The following LRRC47 variants were observed in gnomAD, a reference collection of about 807,000 sequenced individuals.
LRRC47 encodes the protein leucine rich repeat containing 47.
A neutral mutation model predicts 40.9 loss-of-function variants in LRRC47; 31 were observed. The ratio of observed to expected loss-of-function variants is 0.76; its 90% CI spans 0.57 to 1.02. LRRC47 has a LOEUF of 1.02. LRRC47 is among the 50% of genes least tolerant of loss of function. The pLI is 0.00. For synonymous variants in LRRC47, 427 were observed against 371.9 expected (o/e 1.15, Z -1.70); for missense variants, 726 against 796.1 (o/e 0.91, Z 1.06).
rs202226595 is a variant in LRRC47, at chr1:3,793,483, C to A, written c.615+2379G>T. 2.0e-5 allele frequency among the ~76,000 whole-genome samples: 3 copies of A among 152,206 alleles called. No individual in the cohort carries two copies. The East Asian group carries it at 5.8e-4, about 29-fold the overall frequency. ...AAATGATAATACTCCTTCCGTAAAACTCAACTGCCTTTGTAAAGCTAATGA... is the reference window on the plus strand; with the variant it reads ...AAATGATAATACTCCTTCCGTAAAAATCAACTGCCTTTGTAAAGCTAATGA... On this transcript the variant is annotated intron_variant, in intron 1 of 6. Coordinates refer to ENST00000378251, the MANE Select transcript of LRRC47 (RefSeq NM_020710.3).
intron 4 of LRRC47, chr1:3,783,751 C>G (rs1643543842): frequency 3.9e-6 from 2 of 518,448 alleles, no homozygotes; most frequent in East Asian, 6.3e-5. Context: ...CCACCCGCCC[C>G]CTGTGGAATG....
chr1:3,786,627 C>A (rs1396443901), intron 2 of LRRC47, among the ~76,000 whole-genome samples: 1 of 152,238 alleles, frequency 6.6e-6, no homozygotes, highest in Non-Finnish European at 1.5e-5. Flanking sequence ...GAGACACCTG[C>A]CTCCCGGAGG....
rs1181107790 is a variant in LRRC47 at position 3,778,898 on chromosome 1, C to T, written c.*2190G>A. The T allele has an allele frequency of 6.6e-6, 1 of 152,302 alleles. No homozygotes were observed. The highest frequency in any genetic ancestry group is 1.5e-5 in the Non-Finnish European group (1 of 68,088). 9.4% of individuals were successfully genotyped at this position (152,302 alleles called of 1,614,324 possible). A position where few individuals can be genotyped will look rare whatever the true frequency, so the allele number is the denominator to read the frequency against. On this transcript the variant is annotated 3_prime_UTR_variant, in exon 7 of 7. Transcript: ENST00000378251. ...CAGAGCAACTGTCTGGGGTCCCCAG[C>T]CCCAGAACTCCAGCAGAGTCCTGGC... is the stretch of plus-strand genomic sequence containing the variant.
chr1:3,796,148 GC>G lies in LRRC47; in HGVS notation c.328del (p.Ala110ArgfsTer56). On this transcript the variant is annotated frameshift_variant, in exon 1 of 7. Transcript: ENST00000378251. LOFTEE classifies it high-confidence loss of function. Reference protein sequence around the residue: ...ALRVLDLSGNALEALPPGQGL... With the variant: ...ALRVLDLSGNXLEALPPGQGL... The stretch of plus-strand genomic sequence containing the variant: ...TTGGCCCGGCGGCAGCGCCTCCAGC[GC>G]GTTGCCCGACAGGTCGAGCACCCGA... 7.0e-7 allele frequency: 1 copy of G among 1,437,994 alleles called. No individual in the cohort carries two copies. The highest frequency in any genetic ancestry group is 9.1e-7 in the Non-Finnish European group (1 of 1,102,762). The allele number at this position is 1,437,994 out of a possible 1,614,324, so 89.1% of individuals were successfully genotyped here.
chr1:3,795,310 T>C (rs542100245), intron 1 of LRRC47, among the ~76,000 whole-genome samples: 6 of 152,286 alleles, frequency 3.9e-5, no homozygotes, highest in East Asian at 1.9e-4. Context: ...CTGGACAATA[T>C]AGTCTGGAGA....
chr1:3,795,891 G>C lies in LRRC47; in HGVS notation c.586C>G (p.Pro196Ala). The C allele has an allele frequency of 1.3e-6, 2 of 1,595,966 alleles. No homozygotes were observed. The highest frequency in any genetic ancestry group is 1.7e-6 in the Non-Finnish European group (2 of 1,176,150). Residue 196 changes from proline (P) to alanine (A), a missense_variant, in exon 1 of 7, where the codon CCC becomes GCC. Physicochemically the swap from Pro to Ala is conservative, Grantham distance 27. Coordinates refer to ENST00000378251, the MANE Select transcript of LRRC47 (RefSeq NM_020710.3). ...AADNCLRELS[P>A]DIAHLASLKT... Reference sequence around the variant, plus strand: ...AGCGAGGCCAGGTGGGCGATGTCGGGGCTGAGTTCTCGGAGGCAGTTGTCA... The same window carrying C: ...AGCGAGGCCAGGTGGGCGATGTCGGCGCTGAGTTCTCGGAGGCAGTTGTCA...
rs1311116445 is a variant in LRRC47 at position 3,795,963 on chromosome 1, G to A, written c.514C>T (p.Leu172Phe). Residue 172 changes from leucine to phenylalanine, a missense_variant, in exon 1 of 7, where the codon CTC becomes TTC. Coordinates refer to ENST00000378251, the MANE Select transcript of LRRC47 (RefSeq NM_020710.3). ...AGGGGCAGCGCGCCGGGGCGAAAGA[G>A]CTCGGCGGGAAAGGAGTCTAGGCAA... ...GNCLDSFPAE[L>F]FRPGALPLLS... The A allele has an allele frequency of 2.5e-6, 4 of 1,590,588 alleles. No homozygotes were observed. The highest frequency in any genetic ancestry group is 2.3e-5 in the South Asian group (2 of 88,072).
At chr1:3,793,382 C>T (rs112531492) in intron 1 of LRRC47, among the ~76,000 whole-genome samples, 5 of 152,168 alleles carry the variant, frequency 3.3e-5, no homozygotes, top group South Asian at 2.1e-4. Flanking sequence ...CAGGAGCCAC[C>T]GCGCCTGGCC....
At position 3,781,032 on chromosome 1, in the gene LRRC47, C is replaced by T. The variant is rs889172047; in HGVS notation, c.*56G>A. On this transcript the variant is annotated 3_prime_UTR_variant, in exon 7 of 7. Coordinates refer to ENST00000378251, the MANE Select transcript of LRRC47 (RefSeq NM_020710.3). ...AAATCTAACGGATAATTCAGCATTGCCGCATAGAAACCTCCGCAAAACCGG... is the reference window on the plus strand; with the variant it reads ...AAATCTAACGGATAATTCAGCATTGTCGCATAGAAACCTCCGCAAAACCGG... 8.2e-6 allele frequency: 13 copies of T among 1,579,922 alleles called. No individual in the cohort carries two copies. The highest frequency in any genetic ancestry group is 6.8e-5 in the African/African-American group (5 of 73,722).
intron 3 of LRRC47, among the ~76,000 whole-genome samples, chr1:3,784,525 G>A (rs34545744): frequency 0.12 from 18,626 of 152,130 alleles, 1,216 homozygotes; most frequent in African/African-American, 0.14. Flanking sequence ...TTTTACTATC[G>A]GGACAGAGAC....
intron 1 of LRRC47, among the ~76,000 whole-genome samples, chr1:3,794,372 G>T (rs1390543295): frequency 6.6e-6 from 1 of 151,542 alleles, no homozygotes; most frequent in Non-Finnish European, 1.5e-5. Flanking sequence ...CAGTGGGTTT[G>T]TTTTTTTTGC....
At chr1:3,792,148 C>A (rs1272184802) in intron 1 of LRRC47, among the ~76,000 whole-genome samples, 1 of 152,186 alleles carries the variant, frequency 6.6e-6, no homozygotes, top group Non-Finnish European at 1.5e-5. Flanking sequence ...CCTTTGTGTG[C>A]GAAATTCCAA....
chr1:3,787,663 G>T (rs567196184), intron 1 of LRRC47, among the ~76,000 whole-genome samples: 2 of 152,348 alleles, frequency 1.3e-5, no homozygotes, highest in African/African-American at 4.8e-5. Flanking sequence ...AGAGACAGGG[G>T]ATGTCTGGGT....
In LRRC47 at chr1:3,781,192, C is replaced by T; in HGVS notation, c.1648G>A (p.Val550Met). 2.5e-6 allele frequency: 4 copies of T among 1,614,164 alleles called. No individual in the cohort carries two copies. The highest frequency in any genetic ancestry group is 3.4e-6 in the Non-Finnish European group (4 of 1,180,016). Reference sequence around the variant, plus strand: ...AGATCCACCACCCGGACCTGCTCCACCACCAGAAGGGAGGGCCCGTCCTTT... The same window carrying T: ...AGATCCACCACCCGGACCTGCTCCATCACCAGAAGGGAGGGCCCGTCCTTT... ...AGKDGPSLLV[V>M]EQVRVVDLEG... The change falls in exon 7 of 7, where the codon GTG (valine) becomes ATG (methionine). Residue 550 changes from valine to methionine, a missense_variant. Transcript: ENST00000378251.
Position 3,779,972 on chromosome 1 carries a change from A to G in LRRC47, c.*1116T>C, listed in dbSNP as rs3737593. 0.12 allele frequency: 18,627 copies of G among 152,130 alleles called. 1,220 individuals are homozygous for G. Among genetic ancestry groups the G allele is most frequent in the African/African-American group, 0.14 (5,932 of 41,518 alleles). 9.4% of individuals were successfully genotyped at this position (152,130 alleles called of 1,614,324 possible). The stretch of plus-strand genomic sequence containing the variant: ...AGGTCACATTAAAACTTTTCCCCCC[A>G]AGATTATGATCACTGCCAGCTGGAG... On this transcript the variant is annotated 3_prime_UTR_variant, in exon 7 of 7. Coordinates refer to ENST00000378251, the MANE Select transcript of LRRC47 (RefSeq NM_020710.3).
At chr1:3,789,162 C>T (rs1041232169) in intron 1 of LRRC47, among the ~76,000 whole-genome samples, 1 of 152,204 alleles carries the variant, frequency 6.6e-6, no homozygotes, top group Non-Finnish European at 1.5e-5. Context: ...GCCTGCAGCA[C>T]CAGGAACAGT....
chr1:3,795,777 AG>A, intron 1 of LRRC47, 84 bp downstream of exon 1: 1 of 1,401,336 alleles, frequency 7.1e-7, no homozygotes, highest in South Asian at 1.5e-5. Context: ...GGGCGTCACT[AG>A]GAACTGCTCG....
intron 1 of LRRC47, among the ~76,000 whole-genome samples, chr1:3,795,227 T>A (rs79691325): frequency 8.5e-5 from 13 of 152,242 alleles, no homozygotes; most frequent in African/African-American, 3.1e-4. Context: ...AGGCAACAGA[T>A]TCAATGGGCA....
At chr1:3,794,910 C>G (rs1318100361) in intron 1 of LRRC47, among the ~76,000 whole-genome samples, 1 of 151,476 alleles carries the variant, frequency 6.6e-6, no homozygotes, top group African/African-American at 2.4e-5. Flanking sequence ...AAAAGTTAGC[C>G]GGGCGTGGTG....
Sources: gnomAD v4.1 joint callset for allele counts (sites outside exome capture counted in the v4.1 genomes callset) on GRCh38, gnomAD v4.1.1 for gene constraint, MANE v1.5 for transcripts, NCBI Gene and HGNC (gene_info 2026-07-23, HGNC 2026-07-21) for gene names.